PRPF18: variants seen among roughly 807,000 people sequenced by gnomAD.
PRPF18 encodes pre-mRNA processing factor 18, also known as pre-mRNA-splicing factor 18.
A neutral mutation model predicts 46.5 loss-of-function variants in PRPF18; 38 were observed. That is an observed-to-expected ratio of 0.82 (90% CI 0.63 to 1.07). PRPF18 has a LOEUF of 1.07. Ranked by LOEUF, PRPF18 falls within the 50% of genes least tolerant of loss-of-function variation. PRPF18 has a pLI of 0.00. For missense variants in PRPF18, 263 were observed against 410.0 expected, an observed-to-expected ratio of 0.64 and a Z score of 3.10; for synonymous variants, 152 against 146.7, an observed-to-expected ratio of 1.04 and a Z score of -0.26.
At chr10:13,599,269 T>C (rs552840920) in intron 2 of PRPF18, among the ~76,000 whole-genome samples, 9 of 152,218 alleles carry the variant, frequency 5.9e-5, no homozygotes, top group Non-Finnish European at 1.3e-4. Context: ...GTTTGTTACC[T>C]TAATTTTACC....
At chr10:13,624,801 C>T (rs552700339) in intron 9 of PRPF18, among the ~76,000 whole-genome samples, 94 of 152,246 alleles carry the variant, frequency 6.2e-4, no homozygotes, top group Non-Finnish European at 1.1e-3. Flanking sequence ...GTGAAAAAAC[C>T]AGCTTGCTGC....
the PRPF18 span, chr10:13,642,220 G>C: frequency 6.6e-6 from 1 of 152,208 alleles, no homozygotes; most frequent in African/African-American, 2.4e-5. Flanking sequence ...TCTTCCTCCT[G>C]TTTAATGCTA....
chr10:13,596,932 G>A (rs558915309), intron 1 of PRPF18, among the ~76,000 whole-genome samples: 2 of 152,130 alleles, frequency 1.3e-5, no homozygotes, highest in South Asian at 2.1e-4. Context: ...AGTTCACCAA[G>A]ACCACCCTAT....
chr10:13,617,546 G>A (rs202041162), intron 9 of PRPF18, among the ~76,000 whole-genome samples: 9 of 148,658 alleles, frequency 6.1e-5, no homozygotes, highest in African/African-American at 7.4e-5. Flanking sequence ...GCTTTTAGCT[G>A]AAAAAAAAAA....
chr10:13,651,696 C>G, the PRPF18 span: 1 of 575,362 alleles, frequency 1.7e-6, no homozygotes, highest in Non-Finnish European at 3.1e-6. Context: ...CTCTGGGGGT[C>G]TTTTCTGGGA....
intron 1 of PRPF18, chr10:13,591,910 C>G: frequency 7.1e-7 from 1 of 1,405,012 alleles, no homozygotes; most frequent in Non-Finnish European, 9.6e-7. Flanking sequence ...TCGCAGTTTT[C>G]TCACGTGTCA....
In PRPF18 at chr10:13,587,060, A is replaced by G. The variant is rs2079882905; in HGVS notation, c.-27A>G. The G allele has an allele frequency of 6.2e-7, 1 of 1,611,742 alleles. No homozygotes were observed. Among genetic ancestry groups the G allele is most frequent in the Non-Finnish European group, 8.5e-7 (1 of 1,177,840 alleles). On this transcript the variant is annotated 5_prime_UTR_variant, in exon 1 of 10. Transcript: ENST00000378572. ...CTGGGTTCGAGGAGCTGGAGCGGGAAACTGGAGCTTAAATTCTGGCGGCGA... is the reference window on the plus strand; with the variant it reads ...CTGGGTTCGAGGAGCTGGAGCGGGAGACTGGAGCTTAAATTCTGGCGGCGA...
the PRPF18 span, chr10:13,651,019 G>C: frequency 2.0e-5 from 3 of 152,262 alleles, no homozygotes; most frequent in African/African-American, 7.2e-5. Context: ...TAGGCAATTT[G>C]ATTTCAAGCC....
chr10:13,622,233 G>T (rs1317500926), intron 9 of PRPF18, among the ~76,000 whole-genome samples: 1 of 152,150 alleles, frequency 6.6e-6, no homozygotes, highest in Non-Finnish European at 1.5e-5. Flanking sequence ...TATTAAAAGA[G>T]TACATTTTTA....
chr10:13,630,290 A>G lies in PRPF18; in HGVS notation c.979A>G (p.Lys327Glu). 6.2e-7 allele frequency: 1 copy of G among 1,612,770 alleles called. No individual in the cohort carries two copies. Among genetic ancestry groups the G allele is most frequent in the African/African-American group, 1.3e-5 (1 of 75,008 alleles). Residue 327 changes from lysine (K) to glutamate (E), a missense_variant, in exon 10 of 10, where the codon AAA (lysine) becomes GAA (glutamate). Coordinates refer to ENST00000378572, the MANE Select transcript of PRPF18 (RefSeq NM_003675.4). Reference sequence around the variant, plus strand: ...GAAGAGGTTAATGACCATTTGCCAGAAACACTTTCCTACAGACCCATCCAA... The same window carrying G: ...GAAGAGGTTAATGACCATTTGCCAGGAACACTTTCCTACAGACCCATCCAA... ...GLKRLMTICQKHFPTDPSKCV... is the reference protein window; with the variant it reads ...GLKRLMTICQEHFPTDPSKCV...
intron 1 of PRPF18, among the ~76,000 whole-genome samples, chr10:13,588,897 G>A (rs1589113613): frequency 6.6e-6 from 1 of 152,148 alleles, no homozygotes; most frequent in African/African-American, 2.4e-5. Flanking sequence ...TTTTGTTTAT[G>A]TGTTATTTCT....
chr10:13,614,056 T>C lies in PRPF18; in HGVS notation c.762T>C (p.Ile254=). 3 of 1,587,344 alleles carry C rather than the reference T, an allele frequency of 1.9e-6. No homozygotes were observed. Among genetic ancestry groups the C allele is most frequent in the Non-Finnish European group, 2.6e-6 (3 of 1,165,120 alleles). Residue 254 remains isoleucine (I), a synonymous_variant, in exon 8 of 10, where the codon ATT becomes ATC. Transcript: ENST00000378572. ...ADIKESITDI[I]KFMLQREYVK... is the part of the protein sequence containing the mutation. ...TTAAAGAATCAATAACGGATATTAT[T>C]AAATTCATGTTGCAGAGAGAATACG...
At chr10:13,607,086 C>G (rs1041305212) in intron 4 of PRPF18, among the ~76,000 whole-genome samples, 8 of 152,010 alleles carry the variant, frequency 5.3e-5, no homozygotes, top group Non-Finnish European at 1.0e-4. Context: ...TAAAGTCTTT[C>G]TTTCCTTATT....
At chr10:13,616,364 G>T in intron 8 of PRPF18, 34 bp from the exon 9 acceptor site, 2 of 1,564,344 alleles carry the variant, frequency 1.3e-6, no homozygotes, top group East Asian at 4.5e-5. Flanking sequence ...CAACATTTTC[G>T]CCTTTCTGAT....
At chr10:13,654,253 G>A in the PRPF18 span, 1 of 644,112 alleles carries the variant, frequency 1.6e-6, no homozygotes, top group Non-Finnish European at 2.8e-6. Context: ...AAAGGAGTAG[G>A]CAGAGGTGAC....
intron 2 of PRPF18, 150 bp downstream of exon 2, chr10:13,597,685 T>G (rs1476008252): frequency 6.3e-7 from 1 of 1,591,316 alleles, no homozygotes; most frequent in East Asian, 2.3e-5. Flanking sequence ...TGAGTTTTTG[T>G]TTTTGCATTT....
In PRPF18 at chr10:13,597,269, C is replaced by T. The variant is rs567713697; in HGVS notation, c.67-189C>T. Among the ~76,000 whole-genome samples the T allele has an allele frequency of 1.3e-3, 203 of 152,178 alleles. 1 individual carries two copies. In the Middle Eastern group the frequency reaches 0.014, roughly 10 times the overall value. On this transcript the variant is annotated intron_variant, in intron 1 of 9. Coordinates refer to ENST00000378572, the MANE Select transcript of PRPF18 (RefSeq NM_003675.4). Reference sequence around the variant, plus strand: ...CTTACCACATATCGGTGCCCATAGTCGTAGTGGAGGGTTGTTGATGTGCTT... The same window carrying T: ...CTTACCACATATCGGTGCCCATAGTTGTAGTGGAGGGTTGTTGATGTGCTT...
Position 13,626,180 on chromosome 10 carries a change from A to G in PRPF18, c.949-4080A>G, listed in dbSNP as rs115222717. Reference sequence around the variant, plus strand: ...AAGAGCTGAGATCCACCACAGAGCAAGGCGAGAGGAATCCCCAGGCTGGAG... The same window carrying G: ...AAGAGCTGAGATCCACCACAGAGCAGGGCGAGAGGAATCCCCAGGCTGGAG... On this transcript the variant is annotated intron_variant, in intron 9 of 9. Coordinates refer to ENST00000378572, the MANE Select transcript of PRPF18 (RefSeq NM_003675.4). Among the ~76,000 whole-genome samples, 959 of 152,330 alleles carry G rather than the reference A, an allele frequency of 6.3e-3. 14 individuals carry two copies. Among genetic ancestry groups the G allele is most frequent in the African/African-American group, 0.021 (889 of 41,572 alleles).
At chr10:13,628,014 A>T (rs2080534600) in intron 9 of PRPF18, among the ~76,000 whole-genome samples, 1 of 152,168 alleles carries the variant, frequency 6.6e-6, no homozygotes, top group African/African-American at 2.4e-5. Flanking sequence ...CTATATTTCC[A>T]TGGCTACCGA....
Sources: allele counts gnomAD v4.1 joint callset (sites outside exome capture counted in the v4.1 genomes callset), GRCh38; gene constraint gnomAD v4.1.1; transcripts MANE v1.5; gene names NCBI Gene and HGNC (gene_info 2026-07-23, HGNC 2026-07-21).